SGMS1: variants seen among roughly 807,000 people sequenced by gnomAD.
SGMS1 encodes sphingomyelin synthase 1, also known as phosphatidylcholine:ceramide cholinephosphotransferase 1.
Under a neutral mutation model 46.2 loss-of-function variants are expected in SGMS1, and 13 were observed. The observed-to-expected ratio is 0.28, with a 90% CI of 0.18 to 0.45. SGMS1 has a LOEUF of 0.45. SGMS1 is among the 20% of genes least tolerant of loss of function. The probability of loss-of-function intolerance (pLI) is 1.00; values close to 1 mark genes in which losing one functional copy is unlikely to be tolerated. For missense variants in SGMS1, 324 were observed against 519.9 expected (o/e 0.62, Z 3.66); for synonymous variants, 203 against 187.8 (o/e 1.08, Z -0.66).
At chr10:50,562,617 C>A (rs1838250809) in intron 2 of SGMS1, among the ~76,000 whole-genome samples, 1 of 152,216 alleles carries the variant, frequency 6.6e-6, no homozygotes, top group African/African-American at 2.4e-5. Flanking sequence ...GATCTCGTCT[C>A]ACTGCAAGCT....
chr10:50,515,499 T>C (rs1287535946), intron 3 of SGMS1, among the ~76,000 whole-genome samples: 1 of 152,250 alleles, frequency 6.6e-6, no homozygotes, highest in African/African-American at 2.4e-5. Context: ...CAGTTACTGC[T>C]TTGCCAAATC....
intron 2 of SGMS1, among the ~76,000 whole-genome samples, chr10:50,576,672 T>G (rs1838387920): frequency 1.3e-5 from 2 of 151,982 alleles, no homozygotes; most frequent in South Asian, 4.2e-4. Flanking sequence ...TGTCTCATAA[T>G]AGCTCACAAA....
chr10:50,604,256 T>G (rs1053115238), intron 1 of SGMS1, among the ~76,000 whole-genome samples: 2 of 152,108 alleles, frequency 1.3e-5, no homozygotes, highest in South Asian at 2.1e-4. Flanking sequence ...GAAAGCAAAC[T>G]GGTCCCCCAC....
At chr10:50,517,671 GATAC>G (rs1404768397) in intron 3 of SGMS1, among the ~76,000 whole-genome samples, 1 of 151,998 alleles carries the variant, frequency 6.6e-6, no homozygotes, top group African/African-American at 2.4e-5. Context: ...TAAATGGATA[GATAC>G]ATGAAATACG....
At chr10:50,588,535 A>T (rs903392264) in intron 2 of SGMS1, among the ~76,000 whole-genome samples, 1 of 152,272 alleles carries the variant, frequency 6.6e-6, no homozygotes, top group Admixed American at 6.5e-5. Context: ...GTAAAGTTTC[A>T]ATGTAGGTAG....
intron 3 of SGMS1, among the ~76,000 whole-genome samples, chr10:50,477,878 C>A (rs905933435): frequency 6.6e-6 from 1 of 152,178 alleles, no homozygotes; most frequent in African/African-American, 2.4e-5. Context: ...GAAGCCTGTA[C>A]ATCCAACAAA....
At chr10:50,443,837 TA>T (rs1294237081) in intron 5 of SGMS1, among the ~76,000 whole-genome samples, 6 of 152,084 alleles carry the variant, frequency 3.9e-5, no homozygotes, top group Non-Finnish European at 8.8e-5. Context: ...TATATAGATA[TA>T]AAATGTACAA....
intron 1 of SGMS1, among the ~76,000 whole-genome samples, chr10:50,600,646 T>C (rs1455611100): frequency 6.6e-6 from 1 of 152,244 alleles, no homozygotes. Context: ...TGAAAGAGAA[T>C]GCTTCTGTTA....
At position 50,354,806 on chromosome 10, in the gene SGMS1, G is replaced by GA. The variant is rs1231907091; in HGVS notation, c.-231-10462dup. ...GGATATGAACAGACACTTCTCAAAA[G>GA]AAGACATTTATGCAGCCAAAAGACA... On this transcript the variant is annotated intron_variant, in intron 6 of 10. Coordinates refer to ENST00000361781, the MANE Select transcript of SGMS1 (RefSeq NM_147156.4). 4.6e-5 allele frequency among the ~76,000 whole-genome samples: 7 copies of GA among 152,286 alleles called. No individual in the cohort carries two copies. The East Asian group carries it at 1.3e-3, about 29-fold the overall frequency.
At chr10:50,615,339 T>C (rs1050723509) in intron 1 of SGMS1, among the ~76,000 whole-genome samples, 4 of 152,214 alleles carry the variant, frequency 2.6e-5, no homozygotes, top group African/African-American at 7.2e-5. Flanking sequence ...TTAACAAAAG[T>C]TGTCATAATA....
intron 1 of SGMS1, among the ~76,000 whole-genome samples, chr10:50,614,329 A>G (rs1378131422): frequency 6.6e-6 from 1 of 151,946 alleles, no homozygotes; most frequent in Non-Finnish European, 1.5e-5. Context: ...TGGCTCAGAC[A>G]CCCCTCTGCT....
At chr10:50,401,109 C>T (rs1301310312) in intron 6 of SGMS1, among the ~76,000 whole-genome samples, 2 of 152,166 alleles carry the variant, frequency 1.3e-5, no homozygotes, top group Admixed American at 6.5e-5. Flanking sequence ...GACACTTGAG[C>T]CAGCCATGGG....
At chr10:50,577,034 T>C (rs1838391406) in intron 2 of SGMS1, among the ~76,000 whole-genome samples, 1 of 152,204 alleles carries the variant, frequency 6.6e-6, no homozygotes, top group African/African-American at 2.4e-5. Flanking sequence ...ACTGGTAGTA[T>C]CTACAAAGAA....
At position 50,361,141 on chromosome 10, in the gene SGMS1, T is replaced by G. The variant is rs140559815; in HGVS notation, c.-231-16796A>C. Among the ~76,000 whole-genome samples the G allele has an allele frequency of 9.7e-4, 147 of 152,318 alleles. 1 individual carries two copies. The East Asian group carries it at 0.022, about 23-fold the overall frequency. ...ATAGCAGCAGGGGATTTTGAAAGCA[T>G]CTATGGGAGAAAAAGTTCTGATCCT... On this transcript the variant is annotated intron_variant, in intron 6 of 10. Coordinates refer to ENST00000361781, the MANE Select transcript of SGMS1 (RefSeq NM_147156.4).
At chr10:50,596,690 G>C (rs1838597842) in intron 1 of SGMS1, among the ~76,000 whole-genome samples, 1 of 152,198 alleles carries the variant, frequency 6.6e-6, no homozygotes, top group Non-Finnish European at 1.5e-5. Context: ...AGGTCAGTAT[G>C]AGGTGTTTGA....
intron 3 of SGMS1, among the ~76,000 whole-genome samples, chr10:50,506,040 T>G (rs968352258): frequency 1.2e-4 from 18 of 152,134 alleles, no homozygotes. Context: ...CCCATCCTTC[T>G]TCCTGGAGAA....
Position 50,343,981 on chromosome 10 carries a change from T to C in SGMS1, c.134A>G (p.Lys45Arg), listed in dbSNP as rs761932379. ...GGAGACTCGGCACAAGGGGGGTTTT[T>C]TGAAATCCTCTTGGGTTAGGTTGAT... Reference protein sequence around the residue: ...DLINLTQEDFKKPPLCRVSSD... With the variant: ...DLINLTQEDFRKPPLCRVSSD... The change falls in exon 7 of 11, where the codon AAA becomes AGA. Residue 45 changes from lysine to arginine, a missense_variant. Physicochemically the swap from Lys to Arg is conservative, Grantham distance 26. This residue lies in a region of SGMS1 where 150 missense variants were observed against 169.8 expected (regional missense o/e 0.88). Transcript: ENST00000361781. 3.1e-6 allele frequency: 5 copies of C among 1,614,198 alleles called. No individual in the cohort carries two copies. The Admixed American group carries it at 6.7e-5, about 22-fold the overall frequency.
At chr10:50,527,252 T>C (rs1001262048) in intron 2 of SGMS1, among the ~76,000 whole-genome samples, 1 of 152,114 alleles carries the variant, frequency 6.6e-6, no homozygotes, top group African/African-American at 2.4e-5. Flanking sequence ...GCCCATAGCA[T>C]TGCTCAAAGG....
At chr10:50,464,623 G>A (rs1386343823) in intron 4 of SGMS1, among the ~76,000 whole-genome samples, 2 of 152,172 alleles carry the variant, frequency 1.3e-5, no homozygotes, top group African/African-American at 2.4e-5. Flanking sequence ...TGGTAGAGAC[G>A]GGGTTTCGCC....
Sources: gnomAD v4.1 joint callset for allele counts (sites outside exome capture counted in the v4.1 genomes callset) on GRCh38, gnomAD v4.1.1 for gene constraint, gnomAD v4.1.1 regional missense constraint, MANE v1.5 for transcripts, NCBI Gene and HGNC (gene_info 2026-07-23, HGNC 2026-07-21) for gene names.